The following PIGL variants were observed in gnomAD, a reference collection of about 807,000 sequenced individuals.
PIGL encodes N-acetylglucosaminyl-phosphatidylinositol de-N-acetylase.
In PIGL, 22 loss-of-function variants were observed where a neutral mutation model predicts 31.1. The ratio of observed to expected loss-of-function variants is 0.71; its 90% CI spans 0.51 to 1.01. PIGL has a LOEUF of 1.01. PIGL is among the 50% of genes least tolerant of loss of function. The probability of loss-of-function intolerance (pLI) is 0.00; values close to 1 mark genes in which losing one functional copy is unlikely to be tolerated. For missense variants in PIGL, 302 were observed against 315.9 expected (o/e 0.96, Z 0.33); for synonymous variants, 131 against 117.4 (o/e 1.12, Z -0.75).
chr17:16,225,168 A>G (rs1293626337), intron 1 of PIGL, among the ~76,000 whole-genome samples: 1 of 152,098 alleles, frequency 6.6e-6, no homozygotes, highest in Non-Finnish European at 1.5e-5. Flanking sequence ...ATCTGTTCTT[A>G]TGTGTAGACA....
At chr17:16,291,245 C>A (rs1244125775) in intron 2 of PIGL, among the ~76,000 whole-genome samples, 1 of 152,206 alleles carries the variant, frequency 6.6e-6, no homozygotes, top group South Asian at 2.1e-4. Flanking sequence ...TGGTGGCTCG[C>A]GCCTGTAATC....
chr17:16,266,165 G>A (rs554950412), intron 2 of PIGL, among the ~76,000 whole-genome samples: 8 of 151,216 alleles, frequency 5.3e-5, no homozygotes, highest in East Asian at 2.0e-4. Context: ...CTGTAATCCC[G>A]GCACTTTGGG....
intron 6 of PIGL, among the ~76,000 whole-genome samples, chr17:16,320,718 T>G (rs1311639614): frequency 2.0e-5 from 3 of 151,926 alleles, no homozygotes; most frequent in Non-Finnish European, 4.4e-5. Context: ...CATTGCAACC[T>G]CCACCTCCCA....
At chr17:16,289,147 G>C (rs1455208079) in intron 2 of PIGL, among the ~76,000 whole-genome samples, 1 of 152,188 alleles carries the variant, frequency 6.6e-6, no homozygotes, top group Non-Finnish European at 1.5e-5. Context: ...TAAAGTGATG[G>C]AGTGCAAAGA....
At chr17:16,252,710 T>C (rs192648992) in intron 2 of PIGL, among the ~76,000 whole-genome samples, 68 of 152,270 alleles carry the variant, frequency 4.5e-4, no homozygotes, top group African/African-American at 1.5e-3. Flanking sequence ...CAAATAATTC[T>C]GTGTACATTT....
At chr17:16,233,932 A>T in intron 1 of PIGL, 39 bp from the exon 2 acceptor site, 1 of 1,107,276 alleles carries the variant, frequency 9.0e-7, no homozygotes, top group Non-Finnish European at 1.3e-6. Context: ...TCCACTGTTA[A>T]AAAAAAAAAA....
At chr17:16,271,174 T>C (rs947873143) in intron 2 of PIGL, among the ~76,000 whole-genome samples, 10 of 152,188 alleles carry the variant, frequency 6.6e-5, no homozygotes, top group Non-Finnish European at 1.2e-4. Context: ...TATTCTTCTT[T>C]AGCAACCTTC....
intron 2 of PIGL, among the ~76,000 whole-genome samples, chr17:16,291,012 C>T (rs1441173741): frequency 1.3e-5 from 2 of 152,184 alleles, no homozygotes; most frequent in African/African-American, 2.4e-5. Context: ...AGCTTGACTA[C>T]TATTTGAGGC....
rs139951800 is a variant in PIGL at position 16,251,703 on chromosome 17, C to T, written c.335+17633C>T. On this transcript the variant is annotated intron_variant, in intron 2 of 6. Transcript: ENST00000225609. ...GTATGATGTTAAAATGCATGCTGCA[C>T]AGATGTTAACAGATACCTATTCAGT... 1.1e-4 allele frequency among the ~76,000 whole-genome samples: 16 copies of T among 150,896 alleles called. No individual in the cohort carries two copies. The Admixed American group carries it at 1.1e-3, about 10-fold the overall frequency.
chr17:16,294,345 C>A (rs900467792), intron 2 of PIGL, among the ~76,000 whole-genome samples: 5 of 152,150 alleles, frequency 3.3e-5, no homozygotes, highest in African/African-American at 1.2e-4. Context: ...TAATCATGGA[C>A]GGTACTCTGT....
intron 1 of PIGL, among the ~76,000 whole-genome samples, chr17:16,225,082 T>C (rs543361497): frequency 6.6e-6 from 1 of 152,324 alleles, no homozygotes; most frequent in South Asian, 2.1e-4. Context: ...ATGTTGGCCT[T>C]CTTTACTATC....
intron 3 of PIGL, among the ~76,000 whole-genome samples, chr17:16,308,396 C>T (rs1374530872): frequency 2.0e-5 from 3 of 152,154 alleles, no homozygotes; most frequent in Non-Finnish European, 4.4e-5. Context: ...GTAGTGTCTT[C>T]TCTGGGTGTC....
intron 2 of PIGL, among the ~76,000 whole-genome samples, chr17:16,255,590 T>C (rs574618348): frequency 6.6e-6 from 1 of 152,204 alleles, no homozygotes; most frequent in South Asian, 2.1e-4. Context: ...GCTGGGACTG[T>C]TGGGATCATG....
Position 16,234,033 on chromosome 17 carries a change from G to A in PIGL, c.298G>A (p.Gly100Arg). ...ACTTTTGCAGAGCTGTGATGTTTTGGGGATTCCACTCTCCAGTGTAATGAT... is the reference window on the plus strand; with the variant it reads ...ACTTTTGCAGAGCTGTGATGTTTTGAGGATTCCACTCTCCAGTGTAATGAT... ...KELLQSCDVL[G>R]IPLSSVMIID... Residue 100 changes from glycine to arginine, a missense_variant, in exon 2 of 7, where the codon GGG becomes AGG. Physicochemically the swap from Gly to Arg is moderately radical, Grantham distance 125 (BLOSUM62 -2). Coordinates refer to ENST00000225609, the MANE Select transcript of PIGL (RefSeq NM_004278.4). 1.2e-6 allele frequency: 2 copies of A among 1,604,430 alleles called. No individual in the cohort carries two copies. Among genetic ancestry groups the A allele is most frequent in the Non-Finnish European group, 1.7e-6 (2 of 1,171,296 alleles).
intron 2 of PIGL, among the ~76,000 whole-genome samples, chr17:16,258,399 C>T (rs1466873305): frequency 6.6e-6 from 1 of 151,588 alleles, no homozygotes; most frequent in East Asian, 1.9e-4. Context: ...AGGCTGGTCT[C>T]GAACTCCTGA....
intron 2 of PIGL, among the ~76,000 whole-genome samples, chr17:16,267,529 A>G (rs2092849874): frequency 1.3e-5 from 2 of 152,018 alleles, no homozygotes; most frequent in Admixed American, 1.3e-4. Flanking sequence ...TTCTTTAGCC[A>G]TTAGGTCTCA....
intron 2 of PIGL, among the ~76,000 whole-genome samples, chr17:16,291,959 G>A (rs1167269341): frequency 6.6e-6 from 1 of 151,716 alleles, no homozygotes; most frequent in African/African-American, 2.4e-5. Flanking sequence ...AAGACCCCAT[G>A]GCTATAAAAT....
chr17:16,251,474 T>A (rs970854632), intron 2 of PIGL, among the ~76,000 whole-genome samples: 1 of 150,894 alleles, frequency 6.6e-6, no homozygotes, highest in Non-Finnish European at 1.5e-5. Flanking sequence ...TTAATTGACA[T>A]CGTATAGAAT....
At chr17:16,298,519 T>C (rs557135078) in intron 2 of PIGL, among the ~76,000 whole-genome samples, 1 of 152,296 alleles carries the variant, frequency 6.6e-6, no homozygotes, top group South Asian at 2.1e-4. Flanking sequence ...GAGAAGGAGA[T>C]AGGCCTGTGA....
Sources: allele counts gnomAD v4.1 joint callset (sites outside exome capture counted in the v4.1 genomes callset), GRCh38; gene constraint gnomAD v4.1.1; transcripts MANE v1.5; gene names NCBI Gene and HGNC (gene_info 2026-07-23, HGNC 2026-07-21).